FCGRT: variants seen among roughly 807,000 people sequenced by gnomAD.
FCGRT encodes the protein Fc gamma receptor and transporter.
Under a neutral mutation model 35.7 loss-of-function variants are expected in FCGRT, and 13 were observed. The observed-to-expected ratio is 0.36, with a 90% CI of 0.24 to 0.58. The LOEUF (loss-of-function observed/expected upper bound fraction) is 0.58, where lower values mean the gene tolerates loss of function less well. FCGRT is among the 20% of genes least tolerant of loss of function. The pLI, the probability that FCGRT is intolerant of heterozygous loss-of-function variation, is 0.77. For synonymous variants in FCGRT, 233 were observed against 216.5 expected (o/e 1.08, Z -0.67); for missense variants, 455 against 474.9 (o/e 0.96, Z 0.39).
rs753421854 is a variant in FCGRT, at chr19:49,525,991, C to T, written c.989-19C>T. On this transcript the variant is annotated intron_variant, in intron 6 of 6. Coordinates refer to ENST00000221466, the MANE Select transcript of FCGRT (RefSeq NM_001136019.3). ...GCCTCAGAGATTCTGATGACCTCTC[C>T]CTCTCTCTCTCTCCTCAGCCCCTTG... is the stretch of plus-strand genomic sequence containing the variant. 22 of 1,462,208 alleles carry T rather than the reference C, an allele frequency of 1.5e-5. No homozygotes were observed. Among genetic ancestry groups the T allele is most frequent in the Non-Finnish European group, 1.9e-5 (20 of 1,043,280 alleles). 90.6% of individuals were successfully genotyped at this position (1,462,208 alleles called of 1,614,324 possible).
At chr19:49,518,348 TTTTC>T (rs1286961210) in intron 4 of FCGRT, among the ~76,000 whole-genome samples, 42 of 151,412 alleles carry the variant, frequency 2.8e-4, no homozygotes, top group Admixed American at 4.6e-4. Flanking sequence ...ATTGTTGAAT[TTTTC>T]TTTCTTTCTT....
intron 4 of FCGRT, among the ~76,000 whole-genome samples, chr19:49,516,876 C>G (rs974512609): frequency 6.6e-6 from 1 of 151,162 alleles, no homozygotes; most frequent in Non-Finnish European, 1.5e-5. Flanking sequence ...AAGTTTCAAA[C>G]CACACTTAAG....
chr19:49,526,125 C>A lies in FCGRT; in HGVS notation c.*6C>A, dbSNP rs747785507. 1.3e-6 allele frequency: 2 copies of A among 1,583,288 alleles called. No individual in the cohort carries two copies. Among genetic ancestry groups the A allele is most frequent in the East Asian group, 2.2e-5 (1 of 44,728 alleles). ...TGATTCCAGCCACCGCCTGACCATCCGCCATTCCGACTGCTAAAAGCGAAT... is the reference window on the plus strand; with the variant it reads ...TGATTCCAGCCACCGCCTGACCATCAGCCATTCCGACTGCTAAAAGCGAAT... On this transcript the variant is annotated 3_prime_UTR_variant, in exon 7 of 7. Coordinates refer to ENST00000221466, the MANE Select transcript of FCGRT (RefSeq NM_001136019.3).
intron 4 of FCGRT, among the ~76,000 whole-genome samples, chr19:49,522,985 G>A (rs368677867): frequency 2.0e-5 from 3 of 151,552 alleles, no homozygotes; most frequent in African/African-American, 4.8e-5. Context: ...CACCGTGTTA[G>A]CCGGGATAGT....
chr19:49,520,087 T>C (rs2080031909), intron 4 of FCGRT, among the ~76,000 whole-genome samples: 1 of 150,000 alleles, frequency 6.7e-6, no homozygotes, highest in Non-Finnish European at 1.5e-5. Context: ...TGCCTCGGCC[T>C]CCCAAAGTGC....
At chr19:49,519,915 C>T (rs1164808883) in intron 4 of FCGRT, among the ~76,000 whole-genome samples, 5 of 149,770 alleles carry the variant, frequency 3.3e-5, no homozygotes, top group Admixed American at 1.3e-4. Flanking sequence ...ACTGCAACCT[C>T]CGCCTCCCAG....
chr19:49,513,765 C>G (rs901910355), intron 2 of FCGRT, 117 bp from the exon 3 acceptor site: 15 of 287,436 alleles, frequency 5.2e-5, no homozygotes, highest in African/African-American at 3.9e-4. Context: ...TCTGTCCCCT[C>G]TCTCTGAATC....
chr19:49,514,181 G>A, intron 3 of FCGRT, 30 bp from the exon 4 acceptor site: 2 of 1,609,932 alleles, frequency 1.2e-6, no homozygotes, highest in Non-Finnish European at 1.7e-6. Flanking sequence ...ATGCTCCGGG[G>A]CCCCGCTTAC....
At chr19:49,525,857 C>T (rs958600486) in intron 6 of FCGRT, 153 bp from the exon 7 acceptor site, 20 of 724,234 alleles carry the variant, frequency 2.8e-5, no homozygotes, top group South Asian at 7.5e-5. Flanking sequence ...AGAGGGGGGA[C>T]GGAAAATTGG....
intron 4 of FCGRT, among the ~76,000 whole-genome samples, chr19:49,519,826 CTTTT>C (rs57437959): frequency 8.6e-6 from 1 of 116,854 alleles, no homozygotes; most frequent in African/African-American, 3.5e-5. Context: ...TTGCCTTAAT[CTTTT>C]TTTTTTTTTT....
rs1036044883 is a variant in FCGRT, at chr19:49,526,020, C to A, written c.999C>A (p.Ile333=). Residue 333 remains isoleucine, a synonymous_variant, in exon 7 of 7, where the codon ATC becomes ATA. Transcript: ENST00000221466. ...RMRSGLPAPW[I]SLRGDDTGVL... The stretch of plus-strand genomic sequence containing the variant: ...TCTCTCTCTCCTCAGCCCCTTGGAT[C>A]TCCCTTCGTGGAGACGACACCGGGG... 2.5e-6 allele frequency: 4 copies of A among 1,608,616 alleles called. No homozygotes were observed. Among genetic ancestry groups the A allele is most frequent in the African/African-American group, 2.7e-5 (2 of 74,824 alleles).
In FCGRT at chr19:49,514,123, G is replaced by C. The variant is rs761777508; in HGVS notation, c.315G>C (p.Leu105Phe). The change falls in exon 3 of 7, where the codon TTG becomes TTC. Residue 105 changes from leucine (L) to phenylalanine (F), a missense_variant. Around this residue, in one of 3 missense-constraint regions of FCGRT, gnomAD observed 136 missense variants for 158.9 expected, o/e 0.86. Transcript: ENST00000221466. ...TCTTTCTGGAAGCTTTCAAAGCTTT[G>C]GGGGGAAAAGGTGAGATTCCGGTCT... ...EKLFLEAFKA[L>F]GGKGPYTLQG... The C allele has an allele frequency of 6.2e-7, 1 of 1,612,556 alleles. No individual in the cohort carries two copies. Among genetic ancestry groups the C allele is most frequent in the Non-Finnish European group, 8.5e-7 (1 of 1,179,802 alleles).
At chr19:49,513,361 G>GGGGGGGACA in intron 1 of FCGRT, 26 bp from the exon 2 acceptor site, 1 of 1,036,400 alleles carries the variant, frequency 9.6e-7, no homozygotes, top group Non-Finnish European at 1.2e-6. Context: ...GGGTCGGGAG[G>GGGGGGGACA]AGTCACGTGC....
At position 49,526,283 on chromosome 19, in the gene FCGRT, T is replaced by A; in HGVS notation, c.*164T>A. 2 of 600,682 alleles carry A rather than the reference T, an allele frequency of 3.3e-6. No individual in the cohort carries two copies. The highest frequency in any genetic ancestry group is 5.9e-6 in the Non-Finnish European group (2 of 336,194). 37.2% of individuals were successfully genotyped at this position (600,682 alleles called of 1,614,324 possible). ...GGTCTGCCTCAGTTTCCCCTCCTAA[T>A]ACATATGGCTGTTTTCCACCTCGAT... On this transcript the variant is annotated 3_prime_UTR_variant, in exon 7 of 7. Transcript: ENST00000221466.
intron 4 of FCGRT, among the ~76,000 whole-genome samples, chr19:49,522,606 G>T: frequency 6.7e-6 from 1 of 149,298 alleles, no homozygotes; most frequent in Non-Finnish European, 1.5e-5. Flanking sequence ...TAATTTTTTT[G>T]TATTTTTAGT....
intron 4 of FCGRT, chr19:49,516,130 A>G (rs1218833312): frequency 2.2e-6 from 1 of 452,856 alleles, no homozygotes; most frequent in Non-Finnish European, 4.4e-6. Context: ...GGACAAAGAT[A>G]GATACCAGCT....
chr19:49,520,499 C>T (rs763978642), intron 4 of FCGRT, among the ~76,000 whole-genome samples: 1 of 152,040 alleles, frequency 6.6e-6, no homozygotes, highest in Non-Finnish European at 1.5e-5. Flanking sequence ...GCATGCGCTG[C>T]CATGCCTAGC....
rs369173603 is a variant in FCGRT at position 49,514,395 on chromosome 19, G to T, written c.510G>T (p.Ala170=). 5 of 1,607,942 alleles carry T rather than the reference G, an allele frequency of 3.1e-6. No individual in the cohort carries two copies. The East Asian group carries it at 1.1e-4, about 36-fold the overall frequency. ...ISQRWQQQDK[A]ANKELTFLLF... ...AGCGGTGGCAGCAGCAGGACAAGGCGGCCAACAAGGAGCTCACCTTCCTGC... is the reference window on the plus strand; with the variant it reads ...AGCGGTGGCAGCAGCAGGACAAGGCTGCCAACAAGGAGCTCACCTTCCTGC... Residue 170 remains alanine (A), a synonymous_variant, in exon 4 of 7, where the codon GCG becomes GCT. Coordinates refer to ENST00000221466, the MANE Select transcript of FCGRT (RefSeq NM_001136019.3).
At chr19:49,517,980 C>T (rs1357554449) in intron 4 of FCGRT, among the ~76,000 whole-genome samples, 7 of 152,108 alleles carry the variant, frequency 4.6e-5, no homozygotes, top group Admixed American at 2.0e-4. Flanking sequence ...CATAAGCCAC[C>T]GCGCCTGGCC....
Sources: gnomAD v4.1 joint callset for allele counts (sites outside exome capture counted in the v4.1 genomes callset) on GRCh38, gnomAD v4.1.1 for gene constraint, gnomAD v4.1.1 regional missense constraint, MANE v1.5 for transcripts, NCBI Gene and HGNC (gene_info 2026-07-23, HGNC 2026-07-21) for gene names.